TAFA1: variants seen among roughly 807,000 people sequenced by gnomAD.
TAFA1 encodes TAFA chemokine like family member 1, also known as chemokine-like protein TAFA-1.
In TAFA1, 4 loss-of-function variants were observed where a neutral mutation model predicts 18.5. That is an observed-to-expected ratio of 0.22 (90% CI 0.11 to 0.49). The LOEUF is 0.49. Ranked by LOEUF, TAFA1 falls within the 20% of genes least tolerant of loss-of-function variation. The pLI is 0.98. For missense variants in TAFA1, 147 were observed against 169.0 expected (o/e 0.87, Z 0.72); for synonymous variants, 56 against 55.2 (o/e 1.01, Z -0.06).
At chr3:68,407,533 C>G (rs2070634707) in intron 2 of TAFA1, among the ~76,000 whole-genome samples, 1 of 152,164 alleles carries the variant, frequency 6.6e-6, no homozygotes, top group South Asian at 2.1e-4. Flanking sequence ...ATATTCTTGA[C>G]CTAAATCCCC....
chr3:68,529,915 A>G (rs1472530989), intron 3 of TAFA1, among the ~76,000 whole-genome samples: 2 of 152,134 alleles, frequency 1.3e-5, no homozygotes, highest in Admixed American at 6.6e-5. Context: ...AAAAATCCAA[A>G]CTACAGCAGG....
At chr3:68,193,549 A>C (rs909866821) in intron 2 of TAFA1, among the ~76,000 whole-genome samples, 39 of 151,966 alleles carry the variant, frequency 2.6e-4, no homozygotes, top group African/African-American at 9.1e-4. Context: ...ACAACAGAGA[A>C]TTGAACACAG....
chr3:67,992,262 G>T, the TAFA1 span, among the ~76,000 whole-genome samples: 1 of 152,146 alleles, frequency 6.6e-6, no homozygotes, highest in Non-Finnish European at 1.5e-5. Context: ...AGCTATTGGG[G>T]TTGCTTGTTA....
intron 2 of TAFA1, among the ~76,000 whole-genome samples, chr3:68,107,365 C>T (rs193258865): frequency 3.7e-4 from 57 of 152,148 alleles, no homozygotes; most frequent in African/African-American, 1.3e-3. Flanking sequence ...TTCATACTTG[C>T]CCCAAACTGG....
chr3:68,157,084 C>T (rs2065875445), intron 2 of TAFA1, among the ~76,000 whole-genome samples: 1 of 152,198 alleles, frequency 6.6e-6, no homozygotes, highest in African/African-American at 2.4e-5. Context: ...TTCAGATTGA[C>T]TTAAACAATA....
At chr3:68,495,395 GTAT>G (rs2072527360) in intron 3 of TAFA1, among the ~76,000 whole-genome samples, 1 of 152,096 alleles carries the variant, frequency 6.6e-6, no homozygotes, top group African/African-American at 2.4e-5. Flanking sequence ...ACAATTGGAA[GTAT>G]TATATGTTCT....
intron 2 of TAFA1, among the ~76,000 whole-genome samples, chr3:68,312,659 A>T (rs947135411): frequency 2.0e-5 from 3 of 152,186 alleles, no homozygotes; most frequent in Non-Finnish European, 4.4e-5. Context: ...ATTTTGGGAA[A>T]AGCCATTCAG....
At chr3:68,438,797 G>C (rs115987570) in intron 3 of TAFA1, among the ~76,000 whole-genome samples, 1 of 152,102 alleles carries the variant, frequency 6.6e-6, no homozygotes, top group Non-Finnish European at 1.5e-5. Context: ...TGACACCAAA[G>C]TTTATGGCTT....
chr3:68,243,854 A>AC (rs2067033892), intron 2 of TAFA1, among the ~76,000 whole-genome samples: 1 of 152,174 alleles, frequency 6.6e-6, no homozygotes. Flanking sequence ...TACTAAAGGA[A>AC]CTGCCAAACT....
At chr3:68,257,925 C>T (rs1000706476) in intron 2 of TAFA1, among the ~76,000 whole-genome samples, 1 of 152,054 alleles carries the variant, frequency 6.6e-6, no homozygotes, top group Non-Finnish European at 1.5e-5. Context: ...CCCAGCCTAA[C>T]TATAAGGAAA....
At chr3:68,033,940 G>T (rs930526846) in intron 2 of TAFA1, among the ~76,000 whole-genome samples, 7 of 152,178 alleles carry the variant, frequency 4.6e-5, no homozygotes, top group African/African-American at 1.7e-4. Flanking sequence ...AATATGGACA[G>T]GTTACAGGAT....
intron 2 of TAFA1, among the ~76,000 whole-genome samples, chr3:68,068,274 G>A (rs2064708468): frequency 6.6e-6 from 1 of 152,182 alleles, no homozygotes; most frequent in Non-Finnish European, 1.5e-5. Context: ...TCGAAGCTAT[G>A]GGATATTATA....
chr3:68,357,024 T>C (rs1349242700), intron 2 of TAFA1, among the ~76,000 whole-genome samples: 2 of 151,850 alleles, frequency 1.3e-5, no homozygotes, highest in South Asian at 2.1e-4. Flanking sequence ...ACCTTTAAGG[T>C]TGATGTCACT....
At chr3:68,494,485 C>T (rs181404610) in intron 3 of TAFA1, among the ~76,000 whole-genome samples, 69 of 152,158 alleles carry the variant, frequency 4.5e-4, no homozygotes, top group Admixed American at 1.1e-3. Context: ...AATATATATC[C>T]CAATCTCCCT....
chr3:68,035,310 A>G (rs1349499684), intron 2 of TAFA1, among the ~76,000 whole-genome samples: 1 of 152,162 alleles, frequency 6.6e-6, no homozygotes, highest in African/African-American at 2.4e-5. Context: ...TAATAGTCAT[A>G]TACTCTGTCT....
chr3:68,360,576 A>G (rs1028798231), intron 2 of TAFA1, among the ~76,000 whole-genome samples: 51 of 152,042 alleles, frequency 3.4e-4, no homozygotes, highest in African/African-American at 1.2e-3. Flanking sequence ...TTTTTAAGTC[A>G]CAAATCTGCT....
chr3:68,038,086 C>T (rs992014831), intron 2 of TAFA1, among the ~76,000 whole-genome samples: 1 of 152,138 alleles, frequency 6.6e-6, no homozygotes, highest in Non-Finnish European at 1.5e-5. Flanking sequence ...ATTAGGAAAT[C>T]ACAGGGCGAT....
chr3:68,184,109 A>G (rs2066240553), intron 2 of TAFA1, among the ~76,000 whole-genome samples: 1 of 147,260 alleles, frequency 6.8e-6, no homozygotes, highest in South Asian at 2.1e-4. Context: ...CTTTACATTC[A>G]TATGCCTCAG....
chr3:68,530,211 G>A (rs1017246892), intron 3 of TAFA1, among the ~76,000 whole-genome samples: 1 of 152,200 alleles, frequency 6.6e-6, no homozygotes, highest in East Asian at 1.9e-4. Context: ...TCAATATAAT[G>A]TTTATTTATT....
Sources: gnomAD v4.1 joint callset for allele counts (sites outside exome capture counted in the v4.1 genomes callset) on GRCh38, gnomAD v4.1.1 for gene constraint, MANE v1.5 for transcripts, NCBI Gene and HGNC (gene_info 2026-07-23, HGNC 2026-07-21) for gene names.